The following NHERF2 variants were observed in gnomAD, a reference collection of about 807,000 sequenced individuals.
NHERF2 encodes the protein Na(+)/H(+) exchange regulatory cofactor NHE-RF2.
chr16:2,037,383 T>G, the NHERF2 span, among the ~76,000 whole-genome samples: 1 of 152,000 alleles, frequency 6.6e-6, no homozygotes, highest in African/African-American at 2.4e-5. Flanking sequence ...AGGCGCCCGG[T>G]GCCTGCCCCG....
At chr16:2,032,793 C>T in the NHERF2 span, 1 of 996,912 alleles carries the variant, frequency 1.0e-6, no homozygotes, top group African/African-American at 1.7e-5. The surrounding 1 kb of genome is among the most constrained non-coding windows in gnomAD (Gnocchi z 4.0). Flanking sequence ...GGACAGCCCC[C>T]AAACAGAGAC....
At chr16:2,029,087 G>A in the NHERF2 span, among the ~76,000 whole-genome samples, 4 of 152,200 alleles carry the variant, frequency 2.6e-5, no homozygotes, top group African/African-American at 7.2e-5. Context: ...CACACTGCAC[G>A]GCAGAGAATG....
the NHERF2 span, chr16:2,037,085 C>T: frequency 2.7e-5 from 40 of 1,463,062 alleles, no homozygotes; most frequent in Non-Finnish European, 3.6e-5. Context: ...GGAGATCCGT[C>T]CTCGAGGTGT....
chr16:2,036,905 G>A, the NHERF2 span: 1 of 1,592,728 alleles, frequency 6.3e-7, no homozygotes. Flanking sequence ...CAGGGCACAG[G>A]GTGGGTGCGG....
chr16:2,035,619 G>A, the NHERF2 span: 1 of 986,382 alleles, frequency 1.0e-6, no homozygotes, highest in Non-Finnish European at 1.2e-6. Context: ...CCACCCCCTG[G>A]CTGGGAGGTG....
chr16:2,037,616 AC>A, the NHERF2 span: 1 of 1,610,678 alleles, frequency 6.2e-7, no homozygotes, highest in Non-Finnish European at 8.5e-7. Flanking sequence ...GATGTTCTCC[AC>A]TCCTGAGCTC....
chr16:2,029,364 A>G, the NHERF2 span, among the ~76,000 whole-genome samples: 269 of 146,026 alleles, frequency 1.8e-3, no homozygotes, highest in Non-Finnish European at 3.1e-3. Flanking sequence ...TGAAGCCCTC[A>G]CAGCCTGGGC....
At chr16:2,038,446 C>T in the NHERF2 span, 1 of 366,002 alleles carries the variant, frequency 2.7e-6, no homozygotes, top group Non-Finnish European at 5.1e-6. Context: ...GGGACGCGCT[C>T]TAAATAATTG....
the NHERF2 span, chr16:2,036,701 G>A: frequency 1.2e-4 from 197 of 1,607,256 alleles, 1 homozygote; most frequent in Admixed American, 3.0e-4. Flanking sequence ...GGCCCATGGC[G>A]GGGCTGATAC....
At chr16:2,035,680 G>A in the NHERF2 span, 10 of 985,692 alleles carry the variant, frequency 1.0e-5, no homozygotes, top group Middle Eastern at 5.2e-4. Flanking sequence ...GAGCCCTACC[G>A]CAGGATGCCA....
chr16:2,038,617 C>T, the NHERF2 span: 3,167 of 286,956 alleles, frequency 0.011, 112 homozygotes, highest in African/African-American at 0.069. Context: ...CTGATGTGGC[C>T]GTAGGAGCTG....
At chr16:2,033,285 G>A in the NHERF2 span, 28 of 1,531,662 alleles carry the variant, frequency 1.8e-5, no homozygotes, top group Non-Finnish European at 2.1e-5. Flanking sequence ...GTGGCAGCCT[G>A]GGTCGGCCAG....
chr16:2,032,588 TG>T, the NHERF2 span, among the ~76,000 whole-genome samples: 1 of 152,192 alleles, frequency 6.6e-6, no homozygotes, highest in Admixed American at 6.5e-5. The surrounding 1 kb of genome is among the most constrained non-coding windows in gnomAD (Gnocchi z 4.0). Flanking sequence ...GGGTGCCCCC[TG>T]GGAGCTAAGG....
At chr16:2,033,699 G>A in the NHERF2 span, among the ~76,000 whole-genome samples, 1 of 152,262 alleles carries the variant, frequency 6.6e-6, no homozygotes, top group East Asian at 1.9e-4. Flanking sequence ...GAGGGAGCCT[G>A]GAGCCCGTGG....
chr16:2,029,529 G>C, the NHERF2 span: 9 of 1,505,352 alleles, frequency 6.0e-6, no homozygotes, highest in Non-Finnish European at 8.1e-6. Context: ...CACTGCCCAT[G>C]TGCTGCCCGG....
chr16:2,033,111 C>T, the NHERF2 span: 13 of 985,402 alleles, frequency 1.3e-5, no homozygotes, highest in Non-Finnish European at 1.6e-5. Flanking sequence ...CAGCTTCCTT[C>T]CTTCCTTTCT....
the NHERF2 span, chr16:2,038,282 C>A: frequency 1.8e-6 from 1 of 542,142 alleles, no homozygotes; most frequent in Non-Finnish European, 3.4e-6. Context: ...CGCGCGGCAG[C>A]CGCGGGGCGA....
the NHERF2 span, chr16:2,038,122 AG>A: frequency 8.8e-7 from 1 of 1,131,040 alleles, no homozygotes; most frequent in African/African-American, 1.6e-5. Flanking sequence ...AGCCCCGGTG[AG>A]CCCCCATCCT....
chr16:2,034,938 G>C, the NHERF2 span, among the ~76,000 whole-genome samples: 1 of 152,226 alleles, frequency 6.6e-6, no homozygotes, highest in South Asian at 2.1e-4. Flanking sequence ...AGGTGTGTCT[G>C]GGGGAGGAGT....
Sources: allele counts gnomAD v4.1 joint callset (sites outside exome capture counted in the v4.1 genomes callset), GRCh38; gene constraint gnomAD v4.1.1; non-coding constraint Gnocchi (gnomAD v3.1); transcripts MANE v1.5; gene names NCBI Gene and HGNC (gene_info 2026-07-23, HGNC 2026-07-21).